Variants in GRM7 observed in about 807,000 individuals in gnomAD.
GRM7 encodes metabotropic glutamate receptor 7.
A neutral mutation model predicts 84.5 loss-of-function variants in GRM7; 35 were observed. The observed-to-expected ratio is 0.41, with a 90% CI of 0.32 to 0.55. The LOEUF (loss-of-function observed/expected upper bound fraction) is 0.55, where lower values mean the gene tolerates loss of function less well. Ranked by LOEUF, GRM7 falls within the 20% of genes least tolerant of loss-of-function variation. GRM7 has a pLI of 0.19. For synonymous variants in GRM7, 487 were observed against 455.1 expected (o/e 1.07, Z -0.89); for missense variants, 1,003 against 1,194.6 (o/e 0.84, Z 2.36).
chr3:7,076,038 C>G (rs1698066019), intron 1 of GRM7, among the ~76,000 whole-genome samples: 1 of 151,996 alleles, frequency 6.6e-6, no homozygotes, highest in African/African-American at 2.4e-5. Context: ...AACATTTTTA[C>G]TAAATGAACA....
chr3:7,655,160 T>C (rs1167178751), intron 8 of GRM7, among the ~76,000 whole-genome samples: 3 of 152,164 alleles, frequency 2.0e-5, no homozygotes, highest in Non-Finnish European at 4.4e-5. Context: ...AACAGGTAAA[T>C]TGATGTCAAA....
chr3:7,522,928 C>T (rs923098843), intron 7 of GRM7, among the ~76,000 whole-genome samples: 7 of 152,110 alleles, frequency 4.6e-5, no homozygotes, highest in African/African-American at 1.7e-4. Context: ...GTCTTCTCCT[C>T]TCTCCCTTTC....
chr3:7,357,152 T>TATAA (rs1693445535), intron 4 of GRM7, among the ~76,000 whole-genome samples: 1 of 151,840 alleles, frequency 6.6e-6, no homozygotes, highest in African/African-American at 2.4e-5. Flanking sequence ...AAATGGCAAC[T>TATAA]AGGACTATAA....
intron 1 of GRM7, among the ~76,000 whole-genome samples, chr3:6,889,715 T>A (rs1369595365): frequency 5.3e-5 from 8 of 152,226 alleles, no homozygotes; most frequent in Admixed American, 3.9e-4. Flanking sequence ...TGTCTCTGCC[T>A]GGCTTTGGTA....
At chr3:7,095,382 G>A (rs1377279472) in intron 1 of GRM7, among the ~76,000 whole-genome samples, 2 of 152,068 alleles carry the variant, frequency 1.3e-5, no homozygotes, top group African/African-American at 2.4e-5. Flanking sequence ...ATGACTCAGT[G>A]AGCAATTCAT....
chr3:7,096,429 C>T (rs1285996836), intron 1 of GRM7, among the ~76,000 whole-genome samples: 1 of 152,098 alleles, frequency 6.6e-6, no homozygotes, highest in South Asian at 2.1e-4. Context: ...CAAGAAAGTG[C>T]TATCCTTATA....
intron 7 of GRM7, among the ~76,000 whole-genome samples, chr3:7,479,616 C>T (rs1191779168): frequency 2.6e-5 from 4 of 152,132 alleles, no homozygotes; most frequent in African/African-American, 7.2e-5. Flanking sequence ...TTTAATCACT[C>T]ACTGTATGCC....
intron 6 of GRM7, among the ~76,000 whole-genome samples, chr3:7,453,196 GAC>G (rs1474224077): frequency 2.6e-5 from 4 of 152,048 alleles, no homozygotes; most frequent in Admixed American, 6.6e-5. Flanking sequence ...TCACACAGAA[GAC>G]TTCTGTGACC....
intron 1 of GRM7, among the ~76,000 whole-genome samples, chr3:7,071,772 A>T (rs1296160990): frequency 1.3e-5 from 2 of 152,118 alleles, no homozygotes; most frequent in African/African-American, 4.8e-5. Context: ...ATCAATCAAT[A>T]TTTTTAAAAG....
At chr3:7,599,780 A>G (rs1205808992) in intron 8 of GRM7, among the ~76,000 whole-genome samples, 3 of 152,272 alleles carry the variant, frequency 2.0e-5, no homozygotes, top group Middle Eastern at 3.4e-3. Context: ...TGAAGCCCTA[A>G]TTAAGGCTGT....
At chr3:6,927,914 G>A (rs1697369535) in intron 1 of GRM7, among the ~76,000 whole-genome samples, 1 of 152,116 alleles carries the variant, frequency 6.6e-6, no homozygotes, top group Non-Finnish European at 1.5e-5. Context: ...GTTCCAGTTA[G>A]TGCCATTGTA....
intron 8 of GRM7, among the ~76,000 whole-genome samples, chr3:7,603,830 A>AT (rs1390443541): frequency 1.3e-5 from 2 of 152,182 alleles, no homozygotes; most frequent in Admixed American, 6.6e-5. Flanking sequence ...TAACTAACTA[A>AT]TTTTTAATGA....
At chr3:7,208,567 G>A (rs1164279762) in intron 2 of GRM7, among the ~76,000 whole-genome samples, 2 of 152,116 alleles carry the variant, frequency 1.3e-5, no homozygotes, top group Non-Finnish European at 2.9e-5. Flanking sequence ...ATGGAAGGGA[G>A]GTTTGCTCAG....
At chr3:7,248,998 C>A (rs1697878593) in intron 2 of GRM7, among the ~76,000 whole-genome samples, 1 of 151,922 alleles carries the variant, frequency 6.6e-6, no homozygotes, top group African/African-American at 2.4e-5. Flanking sequence ...CAGTAGACAG[C>A]CATAGATATG....
chr3:7,213,125 T>C (rs1179207063), intron 2 of GRM7, among the ~76,000 whole-genome samples: 1 of 152,184 alleles, frequency 6.6e-6, no homozygotes, highest in Non-Finnish European at 1.5e-5. Context: ...TTTCTTTCAA[T>C]CCCTGCTCAA....
At position 7,579,043 on chromosome 3, in the gene GRM7, C is replaced by G. The variant is rs1357210939; in HGVS notation, c.2137C>G (p.Gln713Glu). 6.2e-7 allele frequency: 1 copy of G among 1,614,116 alleles called. No homozygotes were observed. ...LAITSSLISV[Q>E]LLGVFIWFGV... ...AATCACTTCCAGTTTAATATCAGTT[C>G]AGCTTCTAGGGGTGTTCATTTGGTT... Residue 713 changes from glutamine (Q) to glutamate (E), a missense_variant, in exon 8 of 10, where the codon CAG (glutamine) becomes GAG (glutamate). By Grantham distance (29) the Gln-to-Glu change is conservative. Around this residue, in one of 2 missense-constraint regions of GRM7, gnomAD observed 910 missense variants for 1,126.0 expected, o/e 0.81. Coordinates refer to ENST00000357716, the MANE Select transcript of GRM7 (RefSeq NM_000844.4).
intron 4 of GRM7, among the ~76,000 whole-genome samples, chr3:7,381,409 ATGGGGGTTACATTGG>A (rs1559281942): frequency 6.6e-6 from 1 of 152,116 alleles, no homozygotes; most frequent in East Asian, 1.9e-4. Flanking sequence ...TGTGCAGGTA[ATGGGGGTTACATTGG>A]TGAATGAAAC....
intron 1 of GRM7, among the ~76,000 whole-genome samples, chr3:6,965,016 C>T (rs1057128247): frequency 6.6e-6 from 1 of 152,204 alleles, no homozygotes; most frequent in Non-Finnish European, 1.5e-5. Flanking sequence ...CAGATCCATG[C>T]TTCTGACCAA....
At chr3:6,870,280 C>G (rs1428029531) in intron 1 of GRM7, among the ~76,000 whole-genome samples, 1 of 152,036 alleles carries the variant, frequency 6.6e-6, no homozygotes, top group Non-Finnish European at 1.5e-5. Context: ...GATGAGGTGA[C>G]AATTGAGCAA....
Sources: gnomAD v4.1 joint callset for allele counts (sites outside exome capture counted in the v4.1 genomes callset) on GRCh38, gnomAD v4.1.1 for gene constraint, gnomAD v4.1.1 regional missense constraint, MANE v1.5 for transcripts, NCBI Gene and HGNC (gene_info 2026-07-23, HGNC 2026-07-21) for gene names.